Variants in IPO5 observed in about 807,000 individuals in gnomAD.
IPO5 encodes importin 5.
Under a neutral mutation model 143.3 loss-of-function variants are expected in IPO5, and 18 were observed. The ratio of observed to expected loss-of-function variants is 0.13; its 90% CI spans 0.09 to 0.19. The LOEUF (loss-of-function observed/expected upper bound fraction) is 0.19. Ranked by LOEUF, IPO5 falls within the 10% of genes least tolerant of loss-of-function variation. The pLI is 1.00. For synonymous variants in IPO5, 477 were observed against 465.7 expected (o/e 1.02, Z -0.31); for missense variants, 1,013 against 1,336.9 (o/e 0.76, Z 3.78).
In IPO5 at chr13:98,016,831, C is replaced by A; in HGVS notation, c.2596C>A (p.Pro866Thr). The A allele has an allele frequency of 1.3e-6, 2 of 1,567,556 alleles. No homozygotes were observed. Among genetic ancestry groups the A allele is most frequent in the Non-Finnish European group, 1.7e-6 (2 of 1,162,280 alleles). The change falls in exon 25 of 29, where the codon CCA becomes ACA. Residue 866 changes from proline (P) to threonine (T), a missense_variant. By Grantham distance (38) the Pro-to-Thr change is conservative (BLOSUM62 -1). Coordinates refer to ENST00000651721, the MANE Select transcript of IPO5 (RefSeq NM_002271.6). ...KVLPWFEQLLPLIVNLICPHR... is the reference protein window; with the variant it reads ...KVLPWFEQLLTLIVNLICPHR... ...GTTACCATGGTTTGAACAGCTGCTT[C>A]CATTAATTGTCAACCTCATTGTAAG... is the stretch of plus-strand genomic sequence containing the variant.
rs1032264316 is a variant in IPO5, at chr13:98,010,716, T to C, written c.2055+492T>C. 9.2e-5 allele frequency among the ~76,000 whole-genome samples: 14 copies of C among 151,838 alleles called. 1 individual carries two copies. Among genetic ancestry groups the C allele is most frequent in the Admixed American group, 8.5e-4 (13 of 15,220 alleles). On this transcript the variant is annotated intron_variant, in intron 20 of 28. Transcript: ENST00000651721. ...ATGGTGTTTGTGGTGTGCATATGCATGTTTAGTTCCTAGTTTTCTTTTTGT... is the reference window on the plus strand; with the variant it reads ...ATGGTGTTTGTGGTGTGCATATGCACGTTTAGTTCCTAGTTTTCTTTTTGT...
intron 2 of IPO5, among the ~76,000 whole-genome samples, chr13:97,960,838 C>T (rs1306781864): frequency 6.6e-6 from 1 of 152,190 alleles, no homozygotes; most frequent in African/African-American, 2.4e-5. Context: ...GGATTACAGG[C>T]ATGAGCCACC....
intron 3 of IPO5, chr13:97,976,473 TG>T (rs1886323410): frequency 6.6e-6 from 1 of 152,080 alleles, no homozygotes; most frequent in Admixed American, 6.6e-5. Context: ...CCAAGGCCAG[TG>T]AGGCGCCGGC....
intron 1 of IPO5, 73 bp downstream of exon 1, chr13:97,953,789 C>A: frequency 2.6e-6 from 1 of 386,812 alleles, no homozygotes; most frequent in Middle Eastern, 3.6e-4. Context: ...AACAATTTAG[C>A]GTGATACTGG....
chr13:97,962,990 C>T lies in IPO5; in HGVS notation c.-112-6733C>T, dbSNP rs141618264. 9.1e-4 allele frequency among the ~76,000 whole-genome samples: 139 copies of T among 152,194 alleles called. 1 individual carries two copies. Among genetic ancestry groups the T allele is most frequent in the African/African-American group, 3.2e-3 (131 of 41,534 alleles). On this transcript the variant is annotated intron_variant, in intron 2 of 28. Transcript: ENST00000651721. ...AAGGGCAAACCAGCAGGTGGAGATT[C>T]GGGCAAGGTTTCTGTGCTGTGGTCT...
intron 24 of IPO5, among the ~76,000 whole-genome samples, chr13:98,016,065 T>C (rs986077001): frequency 6.6e-6 from 1 of 152,248 alleles, no homozygotes; most frequent in African/African-American, 2.4e-5. Context: ...ATTTGTATTT[T>C]GTGGTGCTTT....
chr13:98,005,382 T>G (rs1312156418), intron 16 of IPO5, among the ~76,000 whole-genome samples: 1 of 126,658 alleles, frequency 7.9e-6, no homozygotes, highest in Non-Finnish European at 1.6e-5. Context: ...TATTTATTTA[T>G]TTATTTATTT....
chr13:97,981,213 C>T (rs1335136415), intron 4 of IPO5: 1 of 453,056 alleles, frequency 2.2e-6, no homozygotes, highest in East Asian at 7.0e-5. Context: ...CTTGAATTCT[C>T]CTTTCCCCCA....
At chr13:98,020,773 G>A (rs768890778) in intron 27 of IPO5, among the ~76,000 whole-genome samples, 3 of 151,874 alleles carry the variant, frequency 2.0e-5, no homozygotes, top group Non-Finnish European at 4.4e-5. Context: ...TATTTATAAG[G>A]TATTTAGAGC....
chr13:98,008,016 A>G (rs763883226), intron 17 of IPO5, 43 bp from the exon 18 acceptor site: 51 of 1,294,624 alleles, frequency 3.9e-5, no homozygotes, highest in Non-Finnish European at 5.2e-5. Flanking sequence ...ACAAGAAACA[A>G]AATTCGGTAT....
At chr13:97,984,199 C>T (rs183967868) in intron 5 of IPO5, among the ~76,000 whole-genome samples, 4 of 151,168 alleles carry the variant, frequency 2.6e-5, no homozygotes, top group South Asian at 2.1e-4. Flanking sequence ...GGGATGGTCT[C>T]GATCTCCTGA....
In IPO5 at chr13:98,019,711, T is replaced by A. The variant is rs748851383; in HGVS notation, c.2967T>A (p.Val989=). The part of the protein sequence containing the change: ...IMKFKPDCVN[V]EEVLPHWLSW... ...AGTTCAAGCCTGACTGTGTAAACGT[T>A]GAAGAGGTCCTTCCACACTGGTTGT... The change falls in exon 27 of 29, where the codon GTT becomes GTA. Residue 989 remains valine, a synonymous_variant. Coordinates refer to ENST00000651721, the MANE Select transcript of IPO5 (RefSeq NM_002271.6). The A allele has an allele frequency of 1.2e-6, 2 of 1,613,800 alleles. No individual in the cohort carries two copies. The highest frequency in any genetic ancestry group is 1.7e-6 in the Non-Finnish European group (2 of 1,179,766).
At chr13:97,971,267 A>G (rs1484254247) in intron 3 of IPO5, among the ~76,000 whole-genome samples, 4 of 152,210 alleles carry the variant, frequency 2.6e-5, no homozygotes, top group Admixed American at 6.5e-5. Flanking sequence ...CTGAGGGCCT[A>G]TTGTGCACAG....
At chr13:97,998,366 C>T (rs1213684273) in intron 12 of IPO5, among the ~76,000 whole-genome samples, 3 of 152,118 alleles carry the variant, frequency 2.0e-5, no homozygotes, top group African/African-American at 7.2e-5. Context: ...TCTTTTAAAA[C>T]GTGTATAAAG....
In IPO5 at chr13:97,954,143, A is replaced by G. The variant is rs1432984421; in HGVS notation, c.-168A>G. 2 of 241,240 alleles carry G rather than the reference A, an allele frequency of 8.3e-6. No individual in the cohort carries two copies. Among genetic ancestry groups the G allele is most frequent in the Non-Finnish European group, 1.7e-5 (2 of 119,244 alleles). The allele number at this position is 241,240 out of a possible 1,614,324, so 14.9% of individuals were successfully genotyped here. A position where few individuals can be genotyped will look rare whatever the true frequency, so the allele number is the denominator to read the frequency against. On this transcript the variant is annotated 5_prime_UTR_variant, in exon 2 of 29. Coordinates refer to ENST00000651721, the MANE Select transcript of IPO5 (RefSeq NM_002271.6). The stretch of plus-strand genomic sequence containing the variant: ...GGTGGTTCCGGGGAGAAGCCTTTCC[A>G]GGACCCATGTGTAGGCACAACTGTT...
chr13:98,014,293 T>A lies in IPO5; in HGVS notation c.2325+79T>A, dbSNP rs555926138. On this transcript the variant is annotated intron_variant, in intron 22 of 28. Coordinates refer to ENST00000651721, the MANE Select transcript of IPO5 (RefSeq NM_002271.6). ...TCTTGCTAAAAGTAAAAAAAAAAAATTTGAGACAGGGTATTGCTCTGTCAC... is the reference window on the plus strand; with the variant it reads ...TCTTGCTAAAAGTAAAAAAAAAAAAATTGAGACAGGGTATTGCTCTGTCAC... 182 of 1,039,684 alleles carry A rather than the reference T, an allele frequency of 1.8e-4. No individual in the cohort carries two copies. In the East Asian group the frequency reaches 1.8e-3, roughly 10 times the overall value. 64.4% of individuals were successfully genotyped at this position (1,039,684 alleles called of 1,614,324 possible). A position where few individuals can be genotyped will look rare whatever the true frequency, so the allele number is the denominator to read the frequency against.
chr13:97,993,852 T>A (rs61970442), intron 11 of IPO5, among the ~76,000 whole-genome samples: 52,098 of 152,196 alleles, frequency 0.34, 10,785 homozygotes, highest in Non-Finnish European at 0.48. Flanking sequence ...CAGATTTATT[T>A]TGTAGTGGTA....
At chr13:97,995,778 T>G (rs1033344337) in intron 11 of IPO5, among the ~76,000 whole-genome samples, 15 of 151,758 alleles carry the variant, frequency 9.9e-5, no homozygotes, top group African/African-American at 3.6e-4. Context: ...ATAATAATAA[T>G]AATTTGGGGT....
chr13:97,994,327 C>CA (rs1888056764), intron 11 of IPO5, among the ~76,000 whole-genome samples: 1 of 152,056 alleles, frequency 6.6e-6, no homozygotes, highest in South Asian at 2.1e-4. Context: ...AATTAGAAAA[C>CA]AAAAATATTG....
Sources: gnomAD v4.1 joint callset for allele counts (sites outside exome capture counted in the v4.1 genomes callset) on GRCh38, gnomAD v4.1.1 for gene constraint, MANE v1.5 for transcripts, NCBI Gene and HGNC (gene_info 2026-07-23, HGNC 2026-07-21) for gene names.